The following RTKN2 variants were observed in gnomAD, a reference collection of about 807,000 sequenced individuals.
The protein encoded by RTKN2 is rhotekin-2.
A neutral mutation model predicts 71.5 loss-of-function variants in RTKN2; 69 were observed. The ratio of observed to expected loss-of-function variants is 0.96; its 90% CI spans 0.79 to 1.18. The LOEUF (loss-of-function observed/expected upper bound fraction) is 1.18, where lower values mean the gene tolerates loss of function less well. RTKN2 is among the 50% of genes most tolerant of loss of function. RTKN2 has a pLI of 0.00. For synonymous variants in RTKN2, 236 were observed against 236.5 expected, an observed-to-expected ratio of 1.00 and a Z score of 0.02; for missense variants, 724 against 719.7, an observed-to-expected ratio of 1.01 and a Z score of -0.07.
At chr10:62,188,425 C>T (rs566657436), downstream of RTKN2, among the ~76,000 whole-genome samples, 9 of 152,300 alleles carry the variant, frequency 5.9e-5, no homozygotes, top group Admixed American at 4.6e-4. Context: ...GTATCACTTC[C>T]ATTATATTCT....
At chr10:62,218,076 C>G (rs140149626) in intron 8 of RTKN2, 119 bp downstream of exon 8, 123 of 648,186 alleles carry the variant, frequency 1.9e-4, no homozygotes, top group African/African-American at 1.9e-3. Flanking sequence ...ATTTAGAAAA[C>G]TGACATTTAA....
intron 2 of RTKN2, among the ~76,000 whole-genome samples, chr10:62,255,858 T>G (rs1262690836): frequency 6.6e-6 from 1 of 152,106 alleles, no homozygotes; most frequent in Non-Finnish European, 1.5e-5. Context: ...CAGCCTCACC[T>G]AGAAAAAAAT....
At chr10:62,241,583 C>CT (rs1051634125) in intron 3 of RTKN2, among the ~76,000 whole-genome samples, 47 of 151,920 alleles carry the variant, frequency 3.1e-4, no homozygotes, top group African/African-American at 1.0e-3. Flanking sequence ...TACTATTTTT[C>CT]TTTTTTTTGT....
chr10:62,255,073 T>A (rs369228962), intron 2 of RTKN2, among the ~76,000 whole-genome samples: 3 of 152,234 alleles, frequency 2.0e-5, no homozygotes, highest in African/African-American at 4.8e-5. Context: ...ATTCACTGTA[T>A]AATTCTTTCA....
chr10:62,259,267 T>C (rs778245280), intron 2 of RTKN2: 2 of 360,966 alleles, frequency 5.5e-6, no homozygotes, highest in South Asian at 1.6e-5. Context: ...GCATTAAACC[T>C]CTTTTTCTTA....
chr10:62,201,573 G>C (rs912005515), intron 10 of RTKN2, among the ~76,000 whole-genome samples: 1 of 151,456 alleles, frequency 6.6e-6, no homozygotes, highest in Non-Finnish European at 1.5e-5. Context: ...CTTAGGGGCA[G>C]GAAAAAAACC....
At chr10:62,187,929 A>C (rs1335329228) in intron 8 of RTKN2, among the ~76,000 whole-genome samples, 1 of 152,236 alleles carries the variant, frequency 6.6e-6, no homozygotes, top group East Asian at 1.9e-4. Flanking sequence ...AGCAAACTTT[A>C]GACTGACATT....
intron 6 of RTKN2, among the ~76,000 whole-genome samples, chr10:62,224,064 G>C (rs1841967921): frequency 1.3e-5 from 2 of 152,062 alleles, no homozygotes; most frequent in Admixed American, 1.3e-4. Context: ...GAATCTTGAA[G>C]ACATTATGCT....
At position 62,195,277 on chromosome 10, in the gene RTKN2, T is replaced by C. The variant is rs1247820002; in HGVS notation, c.*2631A>G. On this transcript the variant is annotated 3_prime_UTR_variant, in exon 12 of 12. Transcript: ENST00000373789. ...TTGTTTCAAGTTTATAGTCTTCATA[T>C]ATCAAGAAACAAATTAAAAGGACAA... 3.0e-6 allele frequency: 3 copies of C among 984,532 alleles called. No individual in the cohort carries two copies. Among genetic ancestry groups the C allele is most frequent in the Non-Finnish European group, 3.6e-6 (3 of 829,278 alleles). 61.0% of individuals were successfully genotyped at this position (984,532 alleles called of 1,614,324 possible). A position where few individuals can be genotyped will look rare whatever the true frequency, so the allele number is the denominator to read the frequency against.
In RTKN2 at chr10:62,208,671, GCAAA is replaced by G. The variant is rs200727042; in HGVS notation, c.1021-3653_1021-3650del. Among the ~76,000 whole-genome samples, 640 of 151,996 alleles carry G rather than the reference GCAAA, an allele frequency of 4.2e-3. 5 individuals carry two copies. Among genetic ancestry groups the G allele is most frequent in the African/African-American group, 0.014 (587 of 41,442 alleles). On this transcript the variant is annotated intron_variant, in intron 9 of 11. Coordinates refer to ENST00000373789, the MANE Select transcript of RTKN2 (RefSeq NM_145307.4). ...CATATAAATGGGAAAAAACAAACAA[GCAAA>G]CAAACAAACAAAAAAACAAAAAAAA...
chr10:62,188,565 T>TG (rs1178782812), downstream of RTKN2, among the ~76,000 whole-genome samples: 1 of 152,036 alleles, frequency 6.6e-6, no homozygotes. Flanking sequence ...CTCACCCCTT[T>TG]GCTCATTCTG....
At chr10:62,241,992 C>A (rs1260584079) in intron 3 of RTKN2, among the ~76,000 whole-genome samples, 2 of 150,278 alleles carry the variant, frequency 1.3e-5, no homozygotes, top group Non-Finnish European at 3.0e-5. Context: ...AGCCACTGTG[C>A]CTGGCTGCCT....
rs1841516205 is a variant in RTKN2 at position 62,204,906 on chromosome 10, T to C, written c.1137A>G (p.Glu379=). 6.3e-7 allele frequency: 1 copy of C among 1,594,644 alleles called. No individual in the cohort carries two copies. ...AGGCTTCCATCCACTTCTGAAGATC[T>C]TCTCTATTGTCAACTGCAAAAATCT... The part of the protein sequence containing the change: ...ITQIFAVDNR[E]DLQKWMEAFW... The change falls in exon 10 of 12, where the codon GAA becomes GAG. Residue 379 remains glutamate (E), a synonymous_variant. Coordinates refer to ENST00000373789, the MANE Select transcript of RTKN2 (RefSeq NM_145307.4).
At chr10:62,187,050 T>C (rs1280610758) in intron 8 of RTKN2, among the ~76,000 whole-genome samples, 1 of 152,230 alleles carries the variant, frequency 6.6e-6, no homozygotes, top group African/African-American at 2.4e-5. Context: ...GTAATTGATC[T>C]GGGTTGAAAT....
intron 8 of RTKN2, among the ~76,000 whole-genome samples, chr10:62,185,383 C>T (rs559029400): frequency 5.3e-5 from 8 of 152,054 alleles, no homozygotes; most frequent in East Asian, 3.9e-4. Flanking sequence ...TTTGGGTGGC[C>T]GAAGTGGGCA....
At chr10:62,200,311 C>T (rs1028907320) in intron 10 of RTKN2, among the ~76,000 whole-genome samples, 3 of 140,836 alleles carry the variant, frequency 2.1e-5, no homozygotes, top group East Asian at 2.0e-4. Context: ...TACAATGAGC[C>T]GAGATTGCAC....
chr10:62,186,162 C>A (rs1418728997), intron 8 of RTKN2, among the ~76,000 whole-genome samples: 1 of 152,186 alleles, frequency 6.6e-6, no homozygotes, highest in Non-Finnish European at 1.5e-5. Flanking sequence ...CATGCCTTGG[C>A]TCCCCTGCCC....
At chr10:62,199,885 G>C in intron 10 of RTKN2, 24 bp from the exon 11 acceptor site, 1 of 1,413,546 alleles carries the variant, frequency 7.1e-7, no homozygotes. Context: ...AAAAAAGGTA[G>C]ACTAGTTTAA....
In RTKN2 at chr10:62,268,546, C is replaced by A. The variant is rs775952885; in HGVS notation, c.60+5G>T. The A allele has an allele frequency of 6.4e-7, 1 of 1,554,738 alleles. No homozygotes were observed. The highest frequency in any genetic ancestry group is 2.4e-5 in the East Asian group (1 of 41,620). ...TTCCGCGGCAGGGTCCCTCCCGCAA[C>A]TCACCTGCTGGGTGGGAAGCCCCGC... On this transcript the variant is annotated splice_donor_5th_base_variant and intron_variant, in intron 1 of 11. Transcript: ENST00000373789.
Sources: allele counts gnomAD v4.1 joint callset (sites outside exome capture counted in the v4.1 genomes callset), GRCh38; gene constraint gnomAD v4.1.1; transcripts MANE v1.5; gene names NCBI Gene and HGNC (gene_info 2026-07-23, HGNC 2026-07-21).